The following SVEP1 variants were observed in gnomAD, a reference collection of about 807,000 sequenced individuals.
SVEP1 encodes the protein sushi, von Willebrand factor type A, EGF and pentraxin domain-containing protein 1.
In SVEP1, 164 loss-of-function variants were observed where a neutral mutation model predicts 367.3. The ratio of observed to expected loss-of-function variants is 0.45; its 90% CI spans 0.39 to 0.51. The LOEUF is 0.51. Among genes scored for constraint, SVEP1 ranks in the 20% least tolerant of loss-of-function variants. The pLI, the probability that SVEP1 is intolerant of heterozygous loss-of-function variation, is 0.00. For synonymous variants in SVEP1, 1,666 were observed against 1,611.6 expected, an observed-to-expected ratio of 1.03 and a Z score of -0.81; for missense variants, 4,117 against 4,425.3, an observed-to-expected ratio of 0.93 and a Z score of 1.98.
At chr9:110,439,312 C>T (rs1267085669) in intron 27 of SVEP1, among the ~76,000 whole-genome samples, 1 of 152,174 alleles carries the variant, frequency 6.6e-6, no homozygotes, top group African/African-American at 2.4e-5. Context: ...GAAGGGGGCT[C>T]TCACCAGGAA....
chr9:110,426,007 G>A (rs576563834), intron 36 of SVEP1, among the ~76,000 whole-genome samples: 1 of 152,314 alleles, frequency 6.6e-6, no homozygotes, highest in East Asian at 1.9e-4. Flanking sequence ...TTTGGAACAT[G>A]TATATTTGCT....
intron 3 of SVEP1, among the ~76,000 whole-genome samples, chr9:110,515,778 T>C (rs1829791934): frequency 6.6e-6 from 1 of 152,210 alleles, no homozygotes; most frequent in African/African-American, 2.4e-5. Context: ...ACTCAGTTAG[T>C]GGGTGACAGA....
At chr9:110,390,341 TTATATACACTTA>T (rs371114253) in intron 40 of SVEP1, among the ~76,000 whole-genome samples, 342 of 30,376 alleles carry the variant, frequency 0.011, 50 homozygotes, top group Non-Finnish European at 0.014. Context: ...ATACACATAC[TTATATACACTTA>T]TATATATATA....
Position 110,398,053 on chromosome 9 carries a change from A to G in SVEP1, c.9822+2801T>C, listed in dbSNP as rs1023813233. ...CACCAAGTCAATCCTAAGCCAAAAG[A>G]ACAAAGCTGGAGGCATCACGCTACC... On this transcript the variant is annotated intron_variant, in intron 40 of 47. Coordinates refer to ENST00000374469, the MANE Select transcript of SVEP1 (RefSeq NM_153366.4). Among the ~76,000 whole-genome samples, 2 of 148,430 alleles carry G rather than the reference A, an allele frequency of 1.3e-5. 1 individual carries two copies. The highest frequency in any genetic ancestry group is 4.9e-5 in the African/African-American group (2 of 40,636).
At chr9:110,559,917 AC>A (rs776970881) in intron 1 of SVEP1, among the ~76,000 whole-genome samples, 3 of 152,148 alleles carry the variant, frequency 2.0e-5, no homozygotes, top group Non-Finnish European at 4.4e-5. Flanking sequence ...AGGCAACCAA[AC>A]ACAATGATTT....
At chr9:110,505,722 C>T (rs1829615827) in intron 5 of SVEP1, among the ~76,000 whole-genome samples, 1 of 152,094 alleles carries the variant, frequency 6.6e-6, no homozygotes, top group Non-Finnish European at 1.5e-5. Flanking sequence ...TTCTCTCACA[C>T]ACACATATAC....
chr9:110,397,624 T>C (rs191638196), intron 40 of SVEP1, among the ~76,000 whole-genome samples: 3,342 of 152,130 alleles, frequency 0.022, 111 homozygotes, highest in African/African-American at 0.075. Context: ...TCTCCTTAAG[T>C]GGATAAGCAA....
In SVEP1 at chr9:110,476,294, C is replaced by T; in HGVS notation, c.2509G>A (p.Ala837Thr). The change falls in exon 14 of 48, where the codon GCA becomes ACA. Residue 837 changes from alanine (A) to threonine (T), a missense_variant. By Grantham distance (58) the Ala-to-Thr change is moderately conservative. Transcript: ENST00000374469. ...TCCAGTCTGCAGTCAATGTCCTCTG[C>T]ATCACTACAAAATGATGGGACCTGC... ...GKMVPSFCSD[A>T]EDIDCRLEEN... 6.2e-7 allele frequency: 1 copy of T among 1,613,242 alleles called. No homozygotes were observed. The highest frequency in any genetic ancestry group is 1.3e-5 in the African/African-American group (1 of 74,996).
At position 110,457,288 on chromosome 9, in the gene SVEP1, C is replaced by T. The variant is rs759984858; in HGVS notation, c.3641G>A (p.Gly1214Asp). 1 of 1,612,650 alleles carries T rather than the reference C, an allele frequency of 6.2e-7. No homozygotes were observed. Among genetic ancestry groups the T allele is most frequent in the South Asian group, 1.1e-5 (1 of 90,750 alleles). The stretch of plus-strand genomic sequence containing the variant: ...TCCAAGTGGACAGAGACAAACATAA[C>T]CACGCCCAAGTTGCTGGCAGGTTCC... ...NSGTCQQLGR[G>D]YVCLCPLGYT... is the part of the protein sequence containing the mutation. Residue 1214 changes from glycine to aspartate, a missense_variant, in exon 21 of 48, where the codon GGT becomes GAT. Coordinates refer to ENST00000374469, the MANE Select transcript of SVEP1 (RefSeq NM_153366.4).
At chr9:110,432,192 A>G (rs750833718) in intron 31 of SVEP1, among the ~76,000 whole-genome samples, 158 bp from the exon 32 acceptor site, 2 of 152,266 alleles carry the variant, frequency 1.3e-5, no homozygotes, top group Admixed American at 6.5e-5. Flanking sequence ...CATTGCAGAT[A>G]TACAATAAAA....
intron 18 of SVEP1, among the ~76,000 whole-genome samples, chr9:110,463,252 A>T (rs1038567318): frequency 2.6e-5 from 4 of 152,066 alleles, no homozygotes; most frequent in Admixed American, 2.6e-4. Flanking sequence ...TGTCGAACTT[A>T]TTCTTCTGAT....
At chr9:110,442,199 G>C (rs1318104674) in intron 27 of SVEP1, among the ~76,000 whole-genome samples, 1 of 152,130 alleles carries the variant, frequency 6.6e-6, no homozygotes, top group Admixed American at 6.5e-5. Context: ...GCTTGCCTCA[G>C]TGTGAAATTA....
intron 40 of SVEP1, among the ~76,000 whole-genome samples, chr9:110,393,446 G>A (rs565661957): frequency 9.8e-5 from 15 of 152,334 alleles, no homozygotes; most frequent in African/African-American, 2.4e-4. Flanking sequence ...CAGCGTGAGC[G>A]ACGCAGAAGA....
At chr9:110,403,320 TTTTG>T (rs1397382357) in intron 39 of SVEP1, among the ~76,000 whole-genome samples, 1 of 143,638 alleles carries the variant, frequency 7.0e-6, no homozygotes, top group African/African-American at 2.7e-5. Flanking sequence ...TTTTTTTTTT[TTTTG>T]ACACGGAGTA....
rs540859815 is a variant in SVEP1 at position 110,519,710 on chromosome 9, T to C, written c.965-5604A>G. 2.6e-5 allele frequency among the ~76,000 whole-genome samples: 4 copies of C among 152,152 alleles called. No individual in the cohort carries two copies. The South Asian group carries it at 8.3e-4, about 32-fold the overall frequency. ...GAGGGCAAAAGAAAACAAGCCCTGATGGAGAGTGGAGGGTGGGTTTGGTGT... is the reference window on the plus strand; with the variant it reads ...GAGGGCAAAAGAAAACAAGCCCTGACGGAGAGTGGAGGGTGGGTTTGGTGT... On this transcript the variant is annotated intron_variant, in intron 3 of 47. Transcript: ENST00000374469.
intron 11 of SVEP1, 142 bp downstream of exon 11, chr9:110,482,219 G>T: frequency 1.1e-6 from 1 of 883,572 alleles, no homozygotes; most frequent in Non-Finnish European, 1.6e-6. Context: ...GAATGACAAT[G>T]GAAAACCTAA....
intron 28 of SVEP1, among the ~76,000 whole-genome samples, chr9:110,435,990 T>A (rs1157795970): frequency 1.3e-5 from 2 of 152,042 alleles, no homozygotes; most frequent in African/African-American, 4.8e-5. Flanking sequence ...AGCCACTAGG[T>A]CGTATGTTGC....
chr9:110,463,094 G>C lies in SVEP1; in HGVS notation c.3322+2771C>G, dbSNP rs1380789877. The stretch of plus-strand genomic sequence containing the variant: ...TAAATAAATCAGTTTCCTAAGATGA[G>C]GTCAGAGGTCAATGACTTCCTGAGC... On this transcript the variant is annotated intron_variant, in intron 18 of 47. Coordinates refer to ENST00000374469, the MANE Select transcript of SVEP1 (RefSeq NM_153366.4). 4.6e-5 allele frequency among the ~76,000 whole-genome samples: 7 copies of C among 151,874 alleles called. No individual in the cohort carries two copies. The South Asian group carries it at 1.5e-3, about 32-fold the overall frequency.
chr9:110,571,036 A>G (rs1227497549), intron 1 of SVEP1, among the ~76,000 whole-genome samples: 1 of 138,616 alleles, frequency 7.2e-6, no homozygotes, highest in African/African-American at 2.7e-5. Context: ...GAGTTCAATG[A>G]CGCGATCTCA....
Sources: allele counts gnomAD v4.1 joint callset (sites outside exome capture counted in the v4.1 genomes callset), GRCh38; gene constraint gnomAD v4.1.1; transcripts MANE v1.5; gene names NCBI Gene and HGNC (gene_info 2026-07-23, HGNC 2026-07-21).